Variants in FBXO31 observed in about 807,000 individuals in gnomAD.
The protein encoded by FBXO31 is F-box only protein 31.
Under a neutral mutation model 54.4 loss-of-function variants are expected in FBXO31, and 24 were observed. That is an observed-to-expected ratio of 0.44 (90% CI 0.32 to 0.62). The LOEUF (loss-of-function observed/expected upper bound fraction) is 0.62, where lower values mean the gene tolerates loss of function less well. Among genes scored for constraint, FBXO31 ranks in the 20% least tolerant of loss-of-function variants. The probability of loss-of-function intolerance (pLI) is 0.05; values close to 1 mark genes in which losing one functional copy is unlikely to be tolerated. For synonymous variants in FBXO31, 388 were observed against 335.6 expected (o/e 1.16, Z -1.71); for missense variants, 665 against 787.1 (o/e 0.84, Z 1.86).
At chr16:87,339,852 T>C (rs1225896605) in intron 5 of FBXO31, among the ~76,000 whole-genome samples, 2 of 152,206 alleles carry the variant, frequency 1.3e-5, no homozygotes, top group East Asian at 1.9e-4. Flanking sequence ...AATACAGTGA[T>C]AGGCCAGTGC....
intron 1 of FBXO31, among the ~76,000 whole-genome samples, chr16:87,364,193 C>A (rs1485664823): frequency 2.6e-5 from 4 of 152,218 alleles, no homozygotes; most frequent in Non-Finnish European, 4.4e-5. Context: ...CAAAGTGCGG[C>A]AACAGGGACT....
At chr16:87,372,088 G>C (rs962059615) in intron 1 of FBXO31, among the ~76,000 whole-genome samples, 3 of 151,996 alleles carry the variant, frequency 2.0e-5, no homozygotes, top group Non-Finnish European at 2.9e-5. Flanking sequence ...GCCAGGTATG[G>C]TGGCACATGC....
upstream of FBXO31, among the ~76,000 whole-genome samples, chr16:87,391,389 G>A (rs941327114): frequency 6.6e-6 from 1 of 152,196 alleles, no homozygotes; most frequent in Non-Finnish European, 1.5e-5. Context: ...ACCAAATATC[G>A]CATGGTGGTT....
Position 87,336,024 on chromosome 16 carries a change from G to C in FBXO31, c.842+131C>G. The C allele has an allele frequency of 3.0e-6, 2 of 668,964 alleles. No individual in the cohort carries two copies. The highest frequency in any genetic ancestry group is 5.1e-6 in the Non-Finnish European group (2 of 394,112). 41.4% of individuals were successfully genotyped at this position (668,964 alleles called of 1,614,324 possible). A position where few individuals can be genotyped will look rare whatever the true frequency, so the allele number is the denominator to read the frequency against. On this transcript the variant is annotated intron_variant, in intron 6 of 8. Transcript: ENST00000311635. This position sits in a 1 kb window ranked among gnomAD's most constrained non-coding sequence, Gnocchi z 6.5. ...AGAGGGGCTGTACTCCCAGCCCCCAGCAGGAGAGAGGGCTGAACCCCAGCA... is the reference window on the plus strand; with the variant it reads ...AGAGGGGCTGTACTCCCAGCCCCCACCAGGAGAGAGGGCTGAACCCCAGCA...
upstream of FBXO31, among the ~76,000 whole-genome samples, chr16:87,388,154 G>A (rs1316052061): frequency 2.6e-5 from 4 of 152,198 alleles, no homozygotes; most frequent in African/African-American, 9.6e-5. Context: ...AACAGCTGCG[G>A]GTCGCGTGAC....
chr16:87,354,334 G>A (rs2150682024), intron 2 of FBXO31, among the ~76,000 whole-genome samples: 1 of 152,180 alleles, frequency 6.6e-6, no homozygotes, highest in East Asian at 1.9e-4. Flanking sequence ...AATTAGCCAG[G>A]TGTGGTGGCA....
At chr16:87,378,687 C>T (rs1344370478) in intron 1 of FBXO31, among the ~76,000 whole-genome samples, 1 of 152,178 alleles carries the variant, frequency 6.6e-6, no homozygotes, top group Non-Finnish European at 1.5e-5. Context: ...CCTGGCTGGG[C>T]GCGGTGGCTC....
upstream of FBXO31, chr16:87,391,821 C>CT (rs1483591749): frequency 6.6e-6 from 1 of 152,326 alleles, no homozygotes; most frequent in Non-Finnish European, 1.5e-5. Flanking sequence ...GCGACCCTGC[C>CT]TCCCGGAGAC....
Position 87,383,557 on chromosome 16 carries a change from G to C in FBXO31, c.188C>G (p.Pro63Arg), listed in dbSNP as rs1293270521. The change falls in exon 1 of 9, where the codon CCG becomes CGG. Residue 63 changes from proline to arginine, a missense_variant. Physicochemically the swap from Pro to Arg is moderately radical, Grantham distance 103. Transcript: ENST00000311635. The surrounding 1 kb of genome is among the most constrained non-coding windows in gnomAD (Gnocchi z 4.9). Reference protein sequence around the residue: ...GLCAGPSPPPPRCSLLELPPE... With the variant: ...GLCAGPSPPPRRCSLLELPPE... ...CGGCAGCTCCAGCAGCGAGCAGCGC[G>C]GGGGCGGCGGCGAGGGGCCCGCGCA... 1.1e-5 allele frequency: 17 copies of C among 1,540,370 alleles called. No homozygotes were observed. The highest frequency in any genetic ancestry group is 2.1e-5 in the Admixed American group (1 of 48,434).
At chr16:87,343,821 G>A (rs932943433) in intron 3 of FBXO31, 56 bp from the exon 4 acceptor site, 27 of 1,582,940 alleles carry the variant, frequency 1.7e-5, no homozygotes, top group Middle Eastern at 1.7e-4. Context: ...GAGCAAGGGC[G>A]GCCCCGCACG....
chr16:87,373,657 G>T (rs769499967), intron 1 of FBXO31, among the ~76,000 whole-genome samples: 1 of 151,602 alleles, frequency 6.6e-6, no homozygotes, highest in Non-Finnish European at 1.5e-5. Context: ...CTCAGCCTCC[G>T]GAGGAACTGG....
At chr16:87,380,002 GAA>G (rs1269750231) in intron 1 of FBXO31, among the ~76,000 whole-genome samples, 6 of 80,846 alleles carry the variant, frequency 7.4e-5, no homozygotes, top group Admixed American at 1.3e-4. Flanking sequence ...CGCTCCAAAA[GAA>G]AAAAAAAAAA....
intron 1 of FBXO31, among the ~76,000 whole-genome samples, chr16:87,370,274 C>T (rs117171217): frequency 0.012 from 1,769 of 152,294 alleles, 9 homozygotes; most frequent in Non-Finnish European, 0.018. Context: ...TGGCCGAGCC[C>T]GCACTCAGCA....
rs543058921 is a variant in FBXO31 at position 87,365,572 on chromosome 16, C to G, written c.341-5206G>C. On this transcript the variant is annotated intron_variant, in intron 1 of 8. Coordinates refer to ENST00000311635, the MANE Select transcript of FBXO31 (RefSeq NM_024735.5). ...GGCATCACCATCTCAGCAAGATACC[C>G]GGGATGGCTGGAGGAGCCCTGCACG... is the stretch of plus-strand genomic sequence containing the variant. Among the ~76,000 whole-genome samples the G allele has an allele frequency of 2.0e-5, 3 of 152,292 alleles. No individual in the cohort carries two copies. In the South Asian group the frequency reaches 6.2e-4, roughly 32 times the overall value.
intron 1 of FBXO31, among the ~76,000 whole-genome samples, chr16:87,373,153 A>G (rs1212657230): frequency 6.7e-6 from 1 of 150,364 alleles, no homozygotes; most frequent in Non-Finnish European, 1.5e-5. Flanking sequence ...CACAACACCC[A>G]GCCAATTCCT....
At position 87,335,018 on chromosome 16, in the gene FBXO31, TA is replaced by T. The variant is rs1200356939; in HGVS notation, c.996+285del. On this transcript the variant is annotated intron_variant, in intron 7 of 8. Coordinates refer to ENST00000311635, the MANE Select transcript of FBXO31 (RefSeq NM_024735.5). This position sits in a 1 kb window ranked among gnomAD's most constrained non-coding sequence, Gnocchi z 5.7. ...TGTGGGGTCTGCTGTCCAGACTTCC[TA>T]AACCCCACAGGGCTGCCAGGGTGGC... Among the ~76,000 whole-genome samples, 1 of 152,170 alleles carries T rather than the reference TA, an allele frequency of 6.6e-6. No homozygotes were observed. Among genetic ancestry groups the T allele is most frequent in the East Asian group, 1.9e-4 (1 of 5,188 alleles).
chr16:87,354,815 A>G (rs1905823712), intron 2 of FBXO31, among the ~76,000 whole-genome samples: 1 of 152,148 alleles, frequency 6.6e-6, no homozygotes, highest in Non-Finnish European at 1.5e-5. Context: ...TAAAAATACA[A>G]AAAGTAGCTG....
intron 2 of FBXO31, among the ~76,000 whole-genome samples, chr16:87,350,799 CACT>C (rs1396376459): frequency 6.6e-6 from 1 of 151,722 alleles, no homozygotes; most frequent in African/African-American, 2.4e-5. Flanking sequence ...GTGCTAGGAA[CACT>C]GCCCAATGAG....
chr16:87,340,420 G>T (rs1905155961), intron 5 of FBXO31, among the ~76,000 whole-genome samples: 1 of 152,214 alleles, frequency 6.6e-6, no homozygotes, highest in Admixed American at 6.5e-5. Flanking sequence ...GCTACAAATT[G>T]ATGTAGGAAG....
Sources: allele counts gnomAD v4.1 joint callset (sites outside exome capture counted in the v4.1 genomes callset), GRCh38; gene constraint gnomAD v4.1.1; non-coding constraint Gnocchi (gnomAD v3.1); transcripts MANE v1.5; gene names NCBI Gene and HGNC (gene_info 2026-07-23, HGNC 2026-07-21).